ADAMTS6: variants seen among roughly 807,000 people sequenced by gnomAD.
The protein encoded by ADAMTS6 is ADAM metallopeptidase with thrombospondin type 1 motif 6.
A neutral mutation model predicts 144.3 loss-of-function variants in ADAMTS6; 23 were observed. The ratio of observed to expected loss-of-function variants is 0.16; its 90% CI spans 0.11 to 0.23. ADAMTS6 has a LOEUF of 0.23. Among genes scored for constraint, ADAMTS6 ranks in the 10% least tolerant of loss-of-function variants. ADAMTS6 has a pLI of 1.00. For synonymous variants in ADAMTS6, 444 were observed against 457.5 expected (o/e 0.97, Z 0.38); for missense variants, 999 against 1,379.6 (o/e 0.72, Z 4.37).
Position 65,343,122 on chromosome 5 carries a change from C to A in ADAMTS6, c.1074-9037G>T, listed in dbSNP as rs552361254. Among the ~76,000 whole-genome samples, 3 of 152,160 alleles carry A rather than the reference C, an allele frequency of 2.0e-5. No homozygotes were observed. The South Asian group carries it at 6.2e-4, about 32-fold the overall frequency. ...TAATACTGTTAAAATGACCATACTA[C>A]CCAAATCAATGTACGGATTTAATGT... On this transcript the variant is annotated intron_variant, in intron 7 of 24. Transcript: ENST00000381055.
At chr5:65,253,550 T>G (rs957103740) in intron 14 of ADAMTS6, among the ~76,000 whole-genome samples, 3 of 152,166 alleles carry the variant, frequency 2.0e-5, no homozygotes, top group African/African-American at 7.2e-5. Context: ...TGCATAGTAT[T>G]AAATTATGTA....
intron 7 of ADAMTS6, among the ~76,000 whole-genome samples, chr5:65,404,531 A>T (rs1456043772): frequency 6.6e-6 from 1 of 152,178 alleles, no homozygotes; most frequent in Admixed American, 6.5e-5. Context: ...ACATTTTCTT[A>T]ATCCAGTCTA....
chr5:65,274,662 G>A (rs1580261092), intron 11 of ADAMTS6, among the ~76,000 whole-genome samples: 1 of 151,824 alleles, frequency 6.6e-6, no homozygotes, highest in Non-Finnish European at 1.5e-5. Context: ...GAGATATATA[G>A]TGTCTATTAA....
chr5:65,357,380 A>G (rs1464627428), intron 7 of ADAMTS6, among the ~76,000 whole-genome samples: 2 of 151,782 alleles, frequency 1.3e-5, no homozygotes, highest in African/African-American at 2.4e-5. Context: ...TTGTAAGAGG[A>G]AAGTATATAG....
At chr5:65,253,522 C>G (rs1038371617) in intron 14 of ADAMTS6, among the ~76,000 whole-genome samples, 10 of 151,988 alleles carry the variant, frequency 6.6e-5, no homozygotes, top group African/African-American at 2.4e-4. Context: ...TTTATAAGAC[C>G]ATTCAATATG....
At chr5:65,454,394 A>C (rs1759021761) in intron 4 of ADAMTS6, among the ~76,000 whole-genome samples, 1 of 152,206 alleles carries the variant, frequency 6.6e-6, no homozygotes, top group Non-Finnish European at 1.5e-5. Context: ...GAGTGTCTTC[A>C]TCCCTAAAGG....
chr5:65,176,244 C>T (rs1311209678), intron 22 of ADAMTS6, among the ~76,000 whole-genome samples: 1 of 151,356 alleles, frequency 6.6e-6, no homozygotes, highest in African/African-American at 2.4e-5. Context: ...TGAGGCATGT[C>T]GAAAAATTGT....
At chr5:65,449,853 T>C (rs951564947) in intron 7 of ADAMTS6, among the ~76,000 whole-genome samples, 17 of 152,144 alleles carry the variant, frequency 1.1e-4, no homozygotes, top group African/African-American at 4.1e-4. Context: ...TACCTATATA[T>C]GTGCTTGGTG....
At chr5:65,240,043 T>C (rs1008149530) in intron 15 of ADAMTS6, among the ~76,000 whole-genome samples, 7 of 152,140 alleles carry the variant, frequency 4.6e-5, no homozygotes, top group African/African-American at 1.7e-4. Flanking sequence ...CACAAAATGA[T>C]AGTACACAAA....
At chr5:65,179,143 T>C (rs757290035) in intron 22 of ADAMTS6, among the ~76,000 whole-genome samples, 4 of 152,226 alleles carry the variant, frequency 2.6e-5, no homozygotes, top group Non-Finnish European at 1.5e-5. Flanking sequence ...AATTTGGACT[T>C]GTACAGTAAG....
intron 7 of ADAMTS6, among the ~76,000 whole-genome samples, chr5:65,357,842 CA>C (rs1004415677): frequency 6.6e-6 from 1 of 151,612 alleles, no homozygotes; most frequent in Non-Finnish European, 1.5e-5. Context: ...AATCAGTAAT[CA>C]AAAAAACTCC....
intron 4 of ADAMTS6, among the ~76,000 whole-genome samples, chr5:65,456,162 G>T (rs1310480626): frequency 2.6e-5 from 4 of 151,872 alleles, no homozygotes; most frequent in African/African-American, 7.3e-5. Context: ...ATTGCCAATT[G>T]ACTTCTTAAT....
At chr5:65,294,256 GTCA>G (rs1742618615) in intron 10 of ADAMTS6, among the ~76,000 whole-genome samples, 1 of 152,184 alleles carries the variant, frequency 6.6e-6, no homozygotes, top group Admixed American at 6.5e-5. Flanking sequence ...ATCTCGCTTT[GTCA>G]CCCAGGCTGG....
intron 10 of ADAMTS6, among the ~76,000 whole-genome samples, chr5:65,292,053 T>A (rs1485679159): frequency 6.6e-6 from 1 of 152,116 alleles, no homozygotes; most frequent in African/African-American, 2.4e-5. Context: ...AATTTCATAT[T>A]TCATCTAGAA....
rs189410019 is a variant in ADAMTS6 at position 65,446,485 on chromosome 5, T to A, written c.1073+4990A>T. 3.6e-3 allele frequency among the ~76,000 whole-genome samples: 545 copies of A among 152,318 alleles called. 5 individuals are homozygous for A. The highest frequency in any genetic ancestry group is 0.013 in the African/African-American group (533 of 41,576). On this transcript the variant is annotated intron_variant, in intron 7 of 24. Coordinates refer to ENST00000381055, the MANE Select transcript of ADAMTS6 (RefSeq NM_197941.4). ...TAAATTATTTGACTTGGTGTGCAAT[T>A]TTTGCATCTGTATTTTGAGATGTAT...
chr5:65,196,977 C>T, intron 21 of ADAMTS6, 45 bp downstream of exon 21: 1 of 1,589,728 alleles, frequency 6.3e-7, no homozygotes. Flanking sequence ...ATGTTTTTCT[C>T]TTTGCACCTG....
At chr5:65,371,150 T>C (rs1000224470) in intron 7 of ADAMTS6, among the ~76,000 whole-genome samples, 1 of 151,782 alleles carries the variant, frequency 6.6e-6, no homozygotes, top group African/African-American at 2.4e-5. Flanking sequence ...CAAAAGTAGA[T>C]AAAACCACAA....
intron 22 of ADAMTS6, among the ~76,000 whole-genome samples, chr5:65,187,497 G>A (rs925576236): frequency 3.3e-5 from 5 of 152,114 alleles, no homozygotes; most frequent in African/African-American, 1.2e-4. Context: ...TATATAGATA[G>A]GTCGTAAGTG....
chr5:65,458,128 A>G (rs1180693337), intron 4 of ADAMTS6, among the ~76,000 whole-genome samples: 1 of 152,056 alleles, frequency 6.6e-6, no homozygotes. Flanking sequence ...TCATTACTCA[A>G]TATAAAGACC....
Sources: allele counts gnomAD v4.1 joint callset (sites outside exome capture counted in the v4.1 genomes callset), GRCh38; gene constraint gnomAD v4.1.1; transcripts MANE v1.5; gene names NCBI Gene and HGNC (gene_info 2026-07-23, HGNC 2026-07-21).